Variants in ARHGEF12 observed in about 807,000 individuals in gnomAD.
The protein encoded by ARHGEF12 is Rho guanine nucleotide exchange factor 12, also known as KMT2A/ARHGEF12 fusion protein.
In ARHGEF12, 66 loss-of-function variants were observed where a neutral mutation model predicts 211.2. That is an observed-to-expected ratio of 0.31 (90% confidence interval 0.26 to 0.38). ARHGEF12 has a LOEUF of 0.38. Among genes scored for constraint, ARHGEF12 ranks in the 10% least tolerant of loss-of-function variants. ARHGEF12 has a pLI of 1.00. For synonymous variants in ARHGEF12, 592 were observed against 638.4 expected (o/e 0.93, Z 1.09); for missense variants, 1,429 against 1,869.5 (o/e 0.76, Z 4.34).
chr11:120,417,568 G>A (rs1016768912), intron 4 of ARHGEF12, among the ~76,000 whole-genome samples: 12 of 146,212 alleles, frequency 8.2e-5, no homozygotes, highest in African/African-American at 3.1e-4. Context: ...AGGCTGGAGT[G>A]CAGTGGTGCA....
chr11:120,413,645 G>T (rs182268424), intron 4 of ARHGEF12, among the ~76,000 whole-genome samples: 1 of 152,138 alleles, frequency 6.6e-6, no homozygotes, highest in Non-Finnish European at 1.5e-5. Context: ...GCAAGACTGT[G>T]CATTTAGAAT....
chr11:120,465,118 C>A, intron 27 of ARHGEF12, 119 bp from the exon 28 acceptor site: 1 of 1,267,158 alleles, frequency 7.9e-7, no homozygotes, highest in Non-Finnish European at 1.1e-6. Flanking sequence ...CATAGATATG[C>A]AGTTCTGTGT....
At position 120,425,588 on chromosome 11, in the gene ARHGEF12, T is replaced by C. The variant is rs138191989; in HGVS notation, c.406+1173T>C. ...CTGGGATTACAGGCACGAGCCACTA[T>C]ACCTGGCCAAGATTTTATATTTTCT... On this transcript the variant is annotated intron_variant, in intron 7 of 40. Transcript: ENST00000397843. 3.7e-3 allele frequency among the ~76,000 whole-genome samples: 565 copies of C among 152,126 alleles called. 4 individuals carry two copies. Among genetic ancestry groups the C allele is most frequent in the African/African-American group, 0.013 (547 of 41,526 alleles).
chr11:120,446,639 A>G, intron 17 of ARHGEF12, 131 bp downstream of exon 17: 2 of 739,286 alleles, frequency 2.7e-6, no homozygotes, highest in Middle Eastern at 3.7e-4. Context: ...TTAAAACATA[A>G]TGAACATCTG....
intron 30 of ARHGEF12, 73 bp from the exon 31 acceptor site, chr11:120,472,977 A>G: frequency 1.4e-6 from 2 of 1,434,668 alleles, no homozygotes; most frequent in Non-Finnish European, 2.0e-6. Context: ...TTAAATGCCA[A>G]GTTTGATTCA....
chr11:120,344,160 G>A (rs1175760301), intron 1 of ARHGEF12, among the ~76,000 whole-genome samples: 1 of 150,714 alleles, frequency 6.6e-6, no homozygotes, highest in African/African-American at 2.4e-5. Context: ...CAGCTACTCG[G>A]GAGGCTAAGA....
intron 1 of ARHGEF12, among the ~76,000 whole-genome samples, chr11:120,399,544 A>G (rs10750172): frequency 0.42 from 63,308 of 151,288 alleles, 13,478 homozygotes; most frequent in African/African-American, 0.48. Context: ...CAACCAATGA[A>G]TGCATACCAA....
intron 29 of ARHGEF12, 109 bp downstream of exon 29, chr11:120,467,417 A>T: frequency 2.0e-6 from 1 of 509,244 alleles, no homozygotes; most frequent in Non-Finnish European, 3.4e-6. Context: ...ATTTCCAAAT[A>T]GTATGACAAG....
intron 1 of ARHGEF12, among the ~76,000 whole-genome samples, chr11:120,397,313 A>C (rs4938803): frequency 1.3e-5 from 2 of 151,916 alleles, no homozygotes; most frequent in African/African-American, 4.8e-5. Context: ...AAGATTTGAC[A>C]TGAGTTCATG....
intron 4 of ARHGEF12, among the ~76,000 whole-genome samples, chr11:120,420,381 G>C (rs1347712265): frequency 6.6e-6 from 1 of 152,100 alleles, no homozygotes; most frequent in Non-Finnish European, 1.5e-5. Context: ...ACCAATTAGG[G>C]TACCAAAAAC....
chr11:120,345,221 A>G (rs963766865), intron 1 of ARHGEF12, among the ~76,000 whole-genome samples: 1 of 152,222 alleles, frequency 6.6e-6, no homozygotes, highest in Non-Finnish European at 1.5e-5. Flanking sequence ...CCAGAAACAG[A>G]AACTAAGAAC....
Position 120,441,920 on chromosome 11 carries a change from T to G in ARHGEF12, c.1203+103T>G, listed in dbSNP as rs1591596573. ...ACGAGTGGGCAGACTTCTTTCAGTT[T>G]TCCGTATAAAGACAGATACAAAAGA... On this transcript the variant is annotated intron_variant, in intron 14 of 40. Transcript: ENST00000397843. 10 of 1,096,708 alleles carry G rather than the reference T, an allele frequency of 9.1e-6. No individual in the cohort carries two copies. In the East Asian group the frequency reaches 2.4e-4, roughly 26 times the overall value. 67.9% of individuals were successfully genotyped at this position (1,096,708 alleles called of 1,614,324 possible). A position where few individuals can be genotyped will look rare whatever the true frequency, so the allele number is the denominator to read the frequency against.
chr11:120,457,034 G>A, intron 22 of ARHGEF12, 84 bp from the exon 23 acceptor site: 1 of 1,325,112 alleles, frequency 7.5e-7, no homozygotes. Context: ...TTAGGCTGAA[G>A]CTGTTCTGGG....
At chr11:120,422,977 A>T (rs1313517101) in intron 6 of ARHGEF12, among the ~76,000 whole-genome samples, 1 of 152,216 alleles carries the variant, frequency 6.6e-6, no homozygotes, top group African/African-American at 2.4e-5. Context: ...AAGAAAACAT[A>T]CCATGAAAAA....
At chr11:120,382,815 G>A (rs1943914310) in intron 1 of ARHGEF12, among the ~76,000 whole-genome samples, 1 of 152,140 alleles carries the variant, frequency 6.6e-6, no homozygotes, top group African/African-American at 2.4e-5. Context: ...AAAGCATTGG[G>A]GTTTGGAATA....
intron 1 of ARHGEF12, among the ~76,000 whole-genome samples, chr11:120,376,778 C>T (rs1943737124): frequency 6.6e-6 from 1 of 152,024 alleles, no homozygotes; most frequent in Non-Finnish European, 1.5e-5. Flanking sequence ...CTTTAACAAT[C>T]CCAACTTCCC....
intron 1 of ARHGEF12, among the ~76,000 whole-genome samples, chr11:120,388,947 C>T (rs977700432): frequency 2.6e-5 from 4 of 152,116 alleles, no homozygotes; most frequent in Non-Finnish European, 5.9e-5. Flanking sequence ...ACTACAGCCT[C>T]CTCCTCCTGA....
intron 1 of ARHGEF12, among the ~76,000 whole-genome samples, chr11:120,379,034 A>G (rs977047070): frequency 6.6e-6 from 1 of 152,180 alleles, no homozygotes. Context: ...AATCTGGATC[A>G]GAATGTGGAG....
In ARHGEF12 at chr11:120,477,452, A is replaced by G. The variant is rs376821705; in HGVS notation, c.3458A>G (p.Asp1153Gly). The G allele has an allele frequency of 6.3e-7, 1 of 1,579,782 alleles. No homozygotes were observed. The highest frequency in any genetic ancestry group is 1.4e-5 in the African/African-American group (1 of 72,998). Residue 1153 changes from aspartate to glycine, a missense_variant, in exon 36 of 41, where the codon GAT becomes GGT. Around this residue, in one of 7 missense-constraint regions of ARHGEF12, gnomAD observed 223 missense variants for 444.6 expected, o/e 0.50. Coordinates refer to ENST00000397843, the MANE Select transcript of ARHGEF12 (RefSeq NM_015313.3). ...PLPQSTPGEG[D>G]NDEEDPSKLK... ...TTTTTTTTTTTTCTCTACAGAGGAG[A>G]TAATGATGAAGAAGATCCTTCAAAA...
Sources: gnomAD v4.1 joint callset for allele counts (sites outside exome capture counted in the v4.1 genomes callset) on GRCh38, gnomAD v4.1.1 for gene constraint, gnomAD v4.1.1 regional missense constraint, MANE v1.5 for transcripts, NCBI Gene and HGNC (gene_info 2026-07-23, HGNC 2026-07-21) for gene names.